PARD3: variants seen among roughly 807,000 people sequenced by gnomAD.
PARD3 encodes the protein partitioning defective 3 homolog.
In PARD3, 75 loss-of-function variants were observed where a neutral mutation model predicts 155.4. The ratio of observed to expected loss-of-function variants is 0.48; its 90% CI spans 0.40 to 0.58. PARD3 has a LOEUF of 0.58. Among genes scored for constraint, PARD3 ranks in the 20% least tolerant of loss-of-function variants. PARD3 has a pLI of 0.00. For synonymous variants in PARD3, 576 were observed against 610.5 expected (o/e 0.94, Z 0.83); for missense variants, 1,642 against 1,721.7 (o/e 0.95, Z 0.82).
chr10:34,154,221 C>T (rs1261246235), intron 22 of PARD3, among the ~76,000 whole-genome samples: 4 of 152,094 alleles, frequency 2.6e-5, no homozygotes, highest in Admixed American at 1.3e-4. Context: ...TCATGTGTAT[C>T]GTGGTGAGGA....
chr10:34,335,377 C>CT (rs548295660), intron 18 of PARD3, among the ~76,000 whole-genome samples: 224 of 152,064 alleles, frequency 1.5e-3, no homozygotes, highest in African/African-American at 5.3e-3. Flanking sequence ...CTAATTAGTG[C>CT]TAAGTAGTGT....
chr10:34,417,293 C>T (rs1179452355), intron 5 of PARD3, among the ~76,000 whole-genome samples: 1 of 152,102 alleles, frequency 6.6e-6, no homozygotes, highest in Admixed American at 6.6e-5. Flanking sequence ...ATCCATCAGG[C>T]AATTACAGTA....
intron 2 of PARD3, among the ~76,000 whole-genome samples, chr10:34,583,774 T>A (rs1448293855): frequency 2.0e-5 from 3 of 152,176 alleles, no homozygotes; most frequent in Non-Finnish European, 2.9e-5. Context: ...TATGTTAAAG[T>A]AAGAAAAGAA....
intron 21 of PARD3, among the ~76,000 whole-genome samples, chr10:34,272,764 A>T (rs1236837859): frequency 6.6e-6 from 1 of 151,936 alleles, no homozygotes; most frequent in African/African-American, 2.4e-5. Flanking sequence ...AAACAAACAA[A>T]CCCCTGAAAC....
At chr10:34,751,596 C>T (rs1326470583) in intron 1 of PARD3, among the ~76,000 whole-genome samples, 1 of 152,026 alleles carries the variant, frequency 6.6e-6, no homozygotes, top group Admixed American at 6.6e-5. Flanking sequence ...TTCCTAAGTC[C>T]CAATTAAACC....
At chr10:34,413,180 C>CACACACATAT (rs775445941) in intron 5 of PARD3, among the ~76,000 whole-genome samples, 3 of 145,184 alleles carry the variant, frequency 2.1e-5, no homozygotes, top group Non-Finnish European at 4.6e-5. Flanking sequence ...CACACACACA[C>CACACACATAT]ATATATATAA....
chr10:34,755,320 G>A lies in PARD3; in HGVS notation c.121-58901C>T, dbSNP rs1372345984. Among the ~76,000 whole-genome samples the A allele has an allele frequency of 3.3e-5, 5 of 152,076 alleles. No individual in the cohort carries two copies. In the East Asian group the frequency reaches 7.7e-4, roughly 23 times the overall value. The stretch of plus-strand genomic sequence containing the variant: ...CCAGCTACTGAGGAGGCTGAGGCAG[G>A]AAAATCGCTTGAGCCAGGGAAGCAG... On this transcript the variant is annotated intron_variant, in intron 1 of 24. Transcript: ENST00000374788.
intron 21 of PARD3, among the ~76,000 whole-genome samples, chr10:34,279,887 T>C (rs997152842): frequency 1.3e-5 from 2 of 152,202 alleles, no homozygotes; most frequent in East Asian, 3.8e-4. Context: ...TTATAAATAT[T>C]CCTTCTATAC....
chr10:34,383,979 G>A, intron 8 of PARD3, 150 bp downstream of exon 8: 1 of 639,432 alleles, frequency 1.6e-6, no homozygotes. Flanking sequence ...TAATTACTGA[G>A]TATGTTTAAA....
intron 1 of PARD3, among the ~76,000 whole-genome samples, chr10:34,760,024 A>G (rs1564589907): frequency 6.6e-6 from 1 of 152,166 alleles, no homozygotes; most frequent in African/African-American, 2.4e-5. Flanking sequence ...CACTAGGTAT[A>G]TAGGTTTCAA....
Position 34,807,898 on chromosome 10 carries a change from G to A in PARD3, c.120+6978C>T, listed in dbSNP as rs377620039. ...GTAATATTTAAATGGCAAAAACCAC[G>A]TAAAGATAGCAGGCCAGATGCAAGA... On this transcript the variant is annotated intron_variant, in intron 1 of 24. Transcript: ENST00000374788. Among the ~76,000 whole-genome samples, 11 of 152,240 alleles carry A rather than the reference G, an allele frequency of 7.2e-5. No individual in the cohort carries two copies. In the South Asian group the frequency reaches 1.5e-3, roughly 20 times the overall value.
At chr10:34,440,309 TG>T (rs2076399194) in intron 5 of PARD3, among the ~76,000 whole-genome samples, 1 of 152,126 alleles carries the variant, frequency 6.6e-6, no homozygotes, top group South Asian at 2.1e-4. Context: ...GGAACATAGA[TG>T]GAACGTAGAA....
At chr10:34,224,342 G>C (rs1952477710) in intron 22 of PARD3, among the ~76,000 whole-genome samples, 1 of 152,214 alleles carries the variant, frequency 6.6e-6, no homozygotes, top group Non-Finnish European at 1.5e-5. Flanking sequence ...GGGAATTAGA[G>C]CAATATTTCT....
intron 22 of PARD3, among the ~76,000 whole-genome samples, chr10:34,182,073 T>G (rs1950292535): frequency 6.6e-6 from 1 of 152,212 alleles, no homozygotes; most frequent in Non-Finnish European, 1.5e-5. Flanking sequence ...GTTTTCAATC[T>G]GGAAAGCTTA....
At chr10:34,433,845 C>T (rs914037450) in intron 5 of PARD3, among the ~76,000 whole-genome samples, 4 of 152,124 alleles carry the variant, frequency 2.6e-5, no homozygotes, top group Non-Finnish European at 5.9e-5. Flanking sequence ...AGCATGGTTA[C>T]GCTAGGCTGC....
intron 2 of PARD3, among the ~76,000 whole-genome samples, chr10:34,694,407 C>A (rs2094126787): frequency 6.6e-6 from 1 of 151,244 alleles, no homozygotes; most frequent in Non-Finnish European, 1.5e-5. Context: ...ACTCAAAAGC[C>A]CAAGAAGGAG....
At chr10:34,693,895 T>C (rs1274173670) in intron 2 of PARD3, among the ~76,000 whole-genome samples, 1 of 152,106 alleles carries the variant, frequency 6.6e-6, no homozygotes, top group Non-Finnish European at 1.5e-5. Flanking sequence ...AATATATATA[T>C]GCTAACCTCA....
intron 22 of PARD3, among the ~76,000 whole-genome samples, chr10:34,239,567 C>T (rs886587337): frequency 2.0e-5 from 3 of 151,968 alleles, no homozygotes; most frequent in East Asian, 1.9e-4. Context: ...TTTGGGAGGC[C>T]GAGGCGGGTG....
chr10:34,295,698 A>C (rs775742249), intron 20 of PARD3, among the ~76,000 whole-genome samples: 5 of 152,190 alleles, frequency 3.3e-5, no homozygotes, highest in Non-Finnish European at 7.3e-5. Flanking sequence ...GTGTATACTC[A>C]TGACGTATTA....
Sources: allele counts gnomAD v4.1 joint callset (sites outside exome capture counted in the v4.1 genomes callset), GRCh38; gene constraint gnomAD v4.1.1; transcripts MANE v1.5; gene names NCBI Gene and HGNC (gene_info 2026-07-23, HGNC 2026-07-21).